The following TENM4 variants were observed in gnomAD, a reference collection of about 807,000 sequenced individuals.
The protein encoded by TENM4 is teneurin-4.
A neutral mutation model predicts 243.3 loss-of-function variants in TENM4; 82 were observed. That is an observed-to-expected ratio of 0.34 (90% CI 0.28 to 0.40). The LOEUF (loss-of-function observed/expected upper bound fraction) is 0.40. Among genes scored for constraint, TENM4 ranks in the 10% least tolerant of loss-of-function variants. TENM4 has a pLI of 1.00. For synonymous variants in TENM4, 1,412 were observed against 1,456.3 expected (o/e 0.97, Z 0.69); for missense variants, 3,138 against 3,673.3 (o/e 0.85, Z 3.77).
At chr11:79,343,123 T>C (rs946889637) in intron 1 of TENM4, among the ~76,000 whole-genome samples, 10 of 152,192 alleles carry the variant, frequency 6.6e-5, no homozygotes. Context: ...CATGGATAGC[T>C]TGGGCACAAG....
chr11:79,372,545 C>G (rs1296835823), intron 1 of TENM4, among the ~76,000 whole-genome samples: 1 of 152,172 alleles, frequency 6.6e-6, no homozygotes, highest in African/African-American at 2.4e-5. Flanking sequence ...TGATCCTTTG[C>G]TCAGAGCCAA....
intron 1 of TENM4, among the ~76,000 whole-genome samples, chr11:79,426,979 T>C (rs1859066642): frequency 6.6e-6 from 1 of 152,164 alleles, no homozygotes; most frequent in Non-Finnish European, 1.5e-5. Flanking sequence ...CTTAATGACC[T>C]AGTGACCATC....
At chr11:79,156,381 C>T (rs118184349) in intron 3 of TENM4, among the ~76,000 whole-genome samples, 6 of 152,214 alleles carry the variant, frequency 3.9e-5, no homozygotes, top group Admixed American at 2.6e-4. Flanking sequence ...TTGTGTGTAA[C>T]GCATACCCCA....
rs555703434 is a variant in TENM4 at position 79,220,843 on chromosome 11, G to A, written c.-264-4934C>T. ...TATTTTGAGATCTGTACAAACTACA[G>A]AGTCTGTAGTTCTTCTGGGATTTTT... On this transcript the variant is annotated intron_variant, in intron 2 of 33. Transcript: ENST00000278550. 1.3e-4 allele frequency: 20 copies of A among 152,296 alleles called. No homozygotes were observed. In the South Asian group the frequency reaches 4.1e-3, roughly 32 times the overall value. 9.4% of individuals were successfully genotyped at this position (152,296 alleles called of 1,614,324 possible).
At chr11:78,999,389 G>A (rs549658202) in intron 6 of TENM4, among the ~76,000 whole-genome samples, 12 of 152,092 alleles carry the variant, frequency 7.9e-5, no homozygotes, top group South Asian at 6.2e-4. Flanking sequence ...GGTGGTGTGC[G>A]CCTGTAGTCC....
intron 4 of TENM4, among the ~76,000 whole-genome samples, chr11:79,080,593 C>A (rs1469407692): frequency 1.3e-5 from 2 of 152,212 alleles, no homozygotes; most frequent in East Asian, 3.9e-4. Flanking sequence ...CCCCTGCACC[C>A]CTTTCTCCTG....
intron 16 of TENM4, 22 bp downstream of exon 16, chr11:78,786,876 C>A: frequency 6.3e-7 from 1 of 1,584,134 alleles, no homozygotes; most frequent in Non-Finnish European, 8.6e-7. Flanking sequence ...AGAAGGTACC[C>A]GGGGACCTCG....
At chr11:79,339,460 A>G (rs1219138540) in intron 1 of TENM4, among the ~76,000 whole-genome samples, 1 of 152,182 alleles carries the variant, frequency 6.6e-6, no homozygotes, top group Non-Finnish European at 1.5e-5. Flanking sequence ...TATGAACCAG[A>G]GCCAAGGTCA....
intron 4 of TENM4, among the ~76,000 whole-genome samples, chr11:79,090,002 T>A (rs72933150): frequency 0.28 from 42,276 of 152,146 alleles, 5,978 homozygotes; most frequent in East Asian, 0.43. Context: ...TACATTTAGA[T>A]GGAAATGTCA....
At chr11:79,151,230 C>G (rs1386499569) in intron 3 of TENM4, among the ~76,000 whole-genome samples, 1 of 152,198 alleles carries the variant, frequency 6.6e-6, no homozygotes, top group African/African-American at 2.4e-5. Flanking sequence ...CTCAGCTCTT[C>G]CCACAAAGCT....
At chr11:78,750,461 T>C (rs975603867) in intron 19 of TENM4, among the ~76,000 whole-genome samples, 6 of 152,226 alleles carry the variant, frequency 3.9e-5, no homozygotes, top group Non-Finnish European at 5.9e-5. Flanking sequence ...GCCAGAAGTC[T>C]TCATTTGTTC....
chr11:79,400,710 C>A (rs1858442797), intron 1 of TENM4, among the ~76,000 whole-genome samples: 1 of 152,186 alleles, frequency 6.6e-6, no homozygotes, highest in Non-Finnish European at 1.5e-5. Flanking sequence ...GGGGACAGTG[C>A]GTGTTGATGC....
At chr11:78,660,569 A>G (rs1858004458) in intron 33 of TENM4, among the ~76,000 whole-genome samples, 1 of 152,182 alleles carries the variant, frequency 6.6e-6, no homozygotes, top group Admixed American at 6.5e-5. Flanking sequence ...GGAGTAAGAA[A>G]TATGGATATG....
At chr11:78,952,080 C>T (rs1466260838) in intron 6 of TENM4, among the ~76,000 whole-genome samples, 1 of 152,110 alleles carries the variant, frequency 6.6e-6, no homozygotes, top group African/African-American at 2.4e-5. Context: ...TTTCTGTCTC[C>T]CCAACAGGGG....
At chr11:79,088,876 C>T (rs1349404753) in intron 4 of TENM4, among the ~76,000 whole-genome samples, 1 of 152,160 alleles carries the variant, frequency 6.6e-6, no homozygotes. Context: ...ACAGAGCAGG[C>T]ACCAGTTTTG....
rs183983552 is a variant in TENM4, at chr11:79,159,702, G to T, written c.-162-10896C>A. On this transcript the variant is annotated intron_variant, in intron 3 of 33. Transcript: ENST00000278550. The stretch of plus-strand genomic sequence containing the variant: ...CCTGCCCTACAACCCCAGTCTTGCT[G>T]CCGATCGCATCTGTCCAGAAAAGAA... Among the ~76,000 whole-genome samples, 3 of 152,268 alleles carry T rather than the reference G, an allele frequency of 2.0e-5. No individual in the cohort carries two copies. The East Asian group carries it at 5.8e-4, about 29-fold the overall frequency.
intron 6 of TENM4, among the ~76,000 whole-genome samples, chr11:78,974,708 TTTTTC>T (rs201330511): frequency 0.069 from 10,246 of 147,476 alleles, 887 homozygotes; most frequent in African/African-American, 0.2. Context: ...TTTCTTTCTG[TTTTTC>T]TTTTCTTTTC....
chr11:79,114,683 G>T (rs1194870913), intron 4 of TENM4, among the ~76,000 whole-genome samples: 1 of 152,134 alleles, frequency 6.6e-6, no homozygotes, highest in African/African-American at 2.4e-5. Flanking sequence ...TGAACAAGGG[G>T]CTCCACATTT....
intron 11 of TENM4, 44 bp from the exon 12 acceptor site, chr11:78,854,358 C>T (rs535674232): frequency 2.1e-6 from 3 of 1,438,568 alleles, no homozygotes; most frequent in African/African-American, 2.9e-5. Context: ...TCTGTTCCAC[C>T]ACGCACCAGC....
Sources: gnomAD v4.1 joint callset for allele counts (sites outside exome capture counted in the v4.1 genomes callset) on GRCh38, gnomAD v4.1.1 for gene constraint, MANE v1.5 for transcripts, NCBI Gene and HGNC (gene_info 2026-07-23, HGNC 2026-07-21) for gene names.